Variants in LRP1B observed in about 807,000 individuals in gnomAD.
LRP1B encodes LDL receptor related protein 1B.
In LRP1B, 217 loss-of-function variants were observed where a neutral mutation model predicts 556.6. The observed-to-expected ratio is 0.39, with a 90% CI of 0.35 to 0.44. The LOEUF (loss-of-function observed/expected upper bound fraction) is 0.44. LRP1B is among the 20% of genes least tolerant of loss of function. LRP1B has a pLI of 1.00. For synonymous variants in LRP1B, 2,047 were observed against 1,865.8 expected (o/e 1.10, Z -2.50); for missense variants, 5,053 against 5,620.8 (o/e 0.90, Z 3.23).
chr2:141,475,422 A>ATAAAAACAAGGCTTCTC (rs2105078590), intron 3 of LRP1B, among the ~76,000 whole-genome samples: 1 of 152,260 alleles, frequency 6.6e-6, no homozygotes, highest in East Asian at 1.9e-4. Flanking sequence ...AGGGATGTGA[A>ATAAAAACAAGGCTTCTC]TAAAAACAAG....
intron 11 of LRP1B, among the ~76,000 whole-genome samples, chr2:141,041,575 C>G (rs537338729): frequency 1.3e-5 from 2 of 152,010 alleles, no homozygotes; most frequent in African/African-American, 2.4e-5. Context: ...TAGAGTACCT[C>G]CAGATAAGTC....
rs143600337 is a variant in LRP1B at position 140,373,101 on chromosome 2, G to T, written c.10675C>A (p.Arg3559=). The change falls in exon 69 of 91, where the codon CGG becomes AGG. Residue 3559 remains arginine, a synonymous_variant. Coordinates refer to ENST00000389484, the MANE Select transcript of LRP1B (RefSeq NM_018557.3). The stretch of plus-strand genomic sequence containing the variant: ...GGTATACACTGACCATTGGAACACC[G>T]GAACTGATCTTTGGAACAACTTGTC... The part of the protein sequence containing the change: ...CETSCSKDQF[R]CSNGQCIPAK... 3 of 1,613,012 alleles carry T rather than the reference G, an allele frequency of 1.9e-6. No individual in the cohort carries two copies. In the South Asian group the frequency reaches 3.3e-5, roughly 18 times the overall value.
chr2:141,730,426 A>T (rs1693227728), intron 2 of LRP1B, among the ~76,000 whole-genome samples: 1 of 152,146 alleles, frequency 6.6e-6, no homozygotes, highest in African/African-American at 2.4e-5. Context: ...GAAAAAGGAA[A>T]AAAAGAGCTT....
At chr2:140,963,923 C>T (rs915442257) in intron 18 of LRP1B, among the ~76,000 whole-genome samples, 1 of 152,174 alleles carries the variant, frequency 6.6e-6, no homozygotes, top group Non-Finnish European at 1.5e-5. Context: ...GAAATAAAGA[C>T]ACAAGATAAA....
chr2:141,469,322 A>AT (rs1279273062), intron 3 of LRP1B, among the ~76,000 whole-genome samples: 4 of 152,108 alleles, frequency 2.6e-5, no homozygotes, highest in Non-Finnish European at 5.9e-5. Context: ...TAGCTGTTTC[A>AT]TTTTTCAGAA....
chr2:141,555,620 C>T (rs983727049), intron 2 of LRP1B, among the ~76,000 whole-genome samples: 2 of 151,890 alleles, frequency 1.3e-5, no homozygotes, highest in East Asian at 1.9e-4. Context: ...TGAAAAGGAA[C>T]AAGCTCGTCA....
At chr2:141,198,303 G>A (rs1267863961) in intron 6 of LRP1B, among the ~76,000 whole-genome samples, 1 of 152,096 alleles carries the variant, frequency 6.6e-6, no homozygotes, top group Admixed American at 6.6e-5. Flanking sequence ...TGGTATTATG[G>A]AAGTTCAATG....
intron 2 of LRP1B, among the ~76,000 whole-genome samples, chr2:141,711,830 C>A (rs1161121890): frequency 2.6e-5 from 4 of 152,062 alleles, no homozygotes; most frequent in African/African-American, 7.2e-5. Context: ...TCCACAGACA[C>A]ATACAGCTTC....
intron 49 of LRP1B, among the ~76,000 whole-genome samples, chr2:140,524,432 A>C (rs1690330595): frequency 6.6e-6 from 1 of 152,128 alleles, no homozygotes; most frequent in African/African-American, 2.4e-5. Flanking sequence ...AAAAACTAAA[A>C]GTAGAACTAT....
At position 141,997,644 on chromosome 2, in the gene LRP1B, A is replaced by C. The variant is rs1702537675; in HGVS notation, c.82+133004T>G. ...ATTATAGGCTTGAGCCACTGCACCC[A>C]GCCCATATATATATATATATATATA... On this transcript the variant is annotated intron_variant, in intron 1 of 90. Coordinates refer to ENST00000389484, the MANE Select transcript of LRP1B (RefSeq NM_018557.3). Among the ~76,000 whole-genome samples the C allele has an allele frequency of 5.5e-5, 3 of 54,318 alleles. No homozygotes were observed. The Admixed American group carries it at 8.1e-4, about 15-fold the overall frequency. The allele number at this position is 54,318 out of a possible 152,430, so 35.6% of individuals were successfully genotyped here. A position where few individuals can be genotyped will look rare whatever the true frequency, so the allele number is the denominator to read the frequency against.
chr2:140,266,001 T>C (rs1682185647), intron 86 of LRP1B, among the ~76,000 whole-genome samples: 3 of 152,048 alleles, frequency 2.0e-5, no homozygotes, highest in African/African-American at 7.2e-5. Context: ...CTGAGGAACA[T>C]GACTGTGAAA....
intron 2 of LRP1B, among the ~76,000 whole-genome samples, chr2:141,702,928 A>C (rs548236969): frequency 2.0e-5 from 3 of 151,992 alleles, no homozygotes; most frequent in Admixed American, 2.0e-4. Flanking sequence ...TTCTCCTTTA[A>C]TCAAGGGATT....
chr2:140,703,883 A>G (rs979018121), intron 37 of LRP1B, among the ~76,000 whole-genome samples: 2 of 152,018 alleles, frequency 1.3e-5, no homozygotes, highest in African/African-American at 4.8e-5. Context: ...ATAGATGTAC[A>G]TTTTCTTTTT....
rs1222569325 is a variant in LRP1B, at chr2:140,516,873, A to G, written c.8149+16T>C. ...TAGTAAGGTTAACAAAAACTAAGCT[A>G]AATACAATGTCTCACCACAGTGGAA... On this transcript the variant is annotated intron_variant, in intron 50 of 90. Transcript: ENST00000389484. 1.9e-6 allele frequency: 3 copies of G among 1,612,534 alleles called. No homozygotes were observed. In the African/African-American group the frequency reaches 4.0e-5, roughly 22 times the overall value.
At chr2:142,130,517 G>T (rs1459932671) in intron 1 of LRP1B, 131 bp downstream of exon 1, 3 of 728,584 alleles carry the variant, frequency 4.1e-6, no homozygotes, top group South Asian at 1.9e-5. Context: ...CAGGGCCAGC[G>T]CACGGTGGTC....
rs537425738 is a variant in LRP1B, at chr2:141,968,527, G to A, written c.83-158126C>T. On this transcript the variant is annotated intron_variant, in intron 1 of 90. Transcript: ENST00000389484. ...ATATGCAAAATAAGAAATTACCTAAGACATGATTTTATGACTGCTGTACAT... is the reference window on the plus strand; with the variant it reads ...ATATGCAAAATAAGAAATTACCTAAAACATGATTTTATGACTGCTGTACAT... 3.3e-5 allele frequency among the ~76,000 whole-genome samples: 5 copies of A among 151,538 alleles called. No homozygotes were observed. In the East Asian group the frequency reaches 9.8e-4, roughly 30 times the overall value.
At chr2:141,531,679 C>T (rs904782007) in intron 2 of LRP1B, among the ~76,000 whole-genome samples, 4 of 152,170 alleles carry the variant, frequency 2.6e-5, no homozygotes, top group South Asian at 2.1e-4. Context: ...AAAACAAACT[C>T]ATCATGTTAC....
At chr2:141,858,330 A>G (rs1698130863) in intron 1 of LRP1B, among the ~76,000 whole-genome samples, 1 of 152,204 alleles carries the variant, frequency 6.6e-6, no homozygotes, top group African/African-American at 2.4e-5. Flanking sequence ...ATTTATTAAC[A>G]CAGTTATTTC....
chr2:140,847,976 T>TA (rs1303168851), intron 29 of LRP1B, among the ~76,000 whole-genome samples: 18 of 152,192 alleles, frequency 1.2e-4, no homozygotes, highest in Admixed American at 1.1e-3. Context: ...TACTACCAGA[T>TA]ACCAGTTCAT....
Sources: gnomAD v4.1 joint callset for allele counts (sites outside exome capture counted in the v4.1 genomes callset) on GRCh38, gnomAD v4.1.1 for gene constraint, MANE v1.5 for transcripts, NCBI Gene and HGNC (gene_info 2026-07-23, HGNC 2026-07-21) for gene names.